The following NTRK3 variants were observed in gnomAD, a reference collection of about 807,000 sequenced individuals.
The protein encoded by NTRK3 is neurotrophic receptor tyrosine kinase 3, also known as NT-3 growth factor receptor.
Under a neutral mutation model 91.7 loss-of-function variants are expected in NTRK3, and 24 were observed. The ratio of observed to expected loss-of-function variants is 0.26; its 90% CI spans 0.19 to 0.37. The LOEUF (loss-of-function observed/expected upper bound fraction) is 0.37. NTRK3 is among the 10% of genes least tolerant of loss of function. The pLI is 1.00. For missense variants in NTRK3, 880 were observed against 1,068.9 expected (o/e 0.82, Z 2.46); for synonymous variants, 483 against 404.0 (o/e 1.20, Z -2.34).
At chr15:88,016,889 T>C (rs904131577) in intron 14 of NTRK3, among the ~76,000 whole-genome samples, 1 of 144,234 alleles carries the variant, frequency 6.9e-6, no homozygotes, top group African/African-American at 2.6e-5. Context: ...ACTGGCTGAG[T>C]ATAAATTATC....
At chr15:87,873,841 G>T (rs2064884970) in exon 19 of NTRK3, 2 of 231,660 alleles carry the variant, frequency 8.6e-6, no homozygotes, top group Non-Finnish European at 1.7e-5. Flanking sequence ...TTGAGACAAG[G>T]GGCAAAGAAG....
intron 10 of NTRK3, among the ~76,000 whole-genome samples, chr15:88,133,805 G>A (rs924326344): frequency 6.6e-6 from 1 of 152,170 alleles, no homozygotes; most frequent in African/African-American, 2.4e-5. Context: ...CAGACTACAT[G>A]GGATTTCCAG....
chr15:87,886,697 T>A (rs187360437), intron 17 of NTRK3, among the ~76,000 whole-genome samples: 2 of 135,882 alleles, frequency 1.5e-5, no homozygotes, highest in Non-Finnish European at 3.1e-5. Flanking sequence ...TATATATATA[T>A]ATACATATAT....
intron 17 of NTRK3, among the ~76,000 whole-genome samples, chr15:87,882,816 T>C (rs1411780205): frequency 1.3e-5 from 2 of 152,028 alleles, no homozygotes; most frequent in Non-Finnish European, 2.9e-5. Context: ...AAAGCCAAAA[T>C]CTTTAACTAA....
At chr15:87,981,455 C>T in intron 14 of NTRK3, 2 of 1,564,792 alleles carry the variant, frequency 1.3e-6, no homozygotes, top group Non-Finnish European at 1.8e-6. Flanking sequence ...TGCACAATGC[C>T]AGAAACAGAA....
intron 13 of NTRK3, among the ~76,000 whole-genome samples, chr15:88,039,604 G>A (rs964001492): frequency 2.0e-5 from 3 of 152,162 alleles, no homozygotes; most frequent in African/African-American, 7.2e-5. Flanking sequence ...TCCATAAATG[G>A]TTTATTCCAA....
intron 14 of NTRK3, among the ~76,000 whole-genome samples, chr15:88,024,586 T>C (rs2077868978): frequency 6.6e-6 from 1 of 152,098 alleles, no homozygotes; most frequent in Non-Finnish European, 1.5e-5. Context: ...CCAGGGAGGA[T>C]GTAGGACAGA....
At chr15:88,041,876 C>T (rs1025642546) in intron 13 of NTRK3, among the ~76,000 whole-genome samples, 8 of 147,852 alleles carry the variant, frequency 5.4e-5, no homozygotes, top group Non-Finnish European at 1.0e-4. Context: ...TGATATAATC[C>T]ATTTTTAAAA....
chr15:88,005,688 G>GA (rs1002882506), intron 14 of NTRK3, among the ~76,000 whole-genome samples: 1 of 152,104 alleles, frequency 6.6e-6, no homozygotes, highest in African/African-American at 2.4e-5. Context: ...CCAGAGCACA[G>GA]AAAAAGGTGC....
chr15:88,164,464 G>A (rs1324050450), intron 5 of NTRK3, among the ~76,000 whole-genome samples: 1 of 152,204 alleles, frequency 6.6e-6, no homozygotes, highest in African/African-American at 2.4e-5. Context: ...GATCTCATCT[G>A]TCTTCATCAG....
chr15:87,888,639 A>G (rs2065681935), intron 17 of NTRK3, among the ~76,000 whole-genome samples: 1 of 152,156 alleles, frequency 6.6e-6, no homozygotes, highest in Admixed American at 6.5e-5. Context: ...AATTTGCTTC[A>G]CACGTTAGCA....
At chr15:87,948,235 C>G (rs1452100679) in intron 14 of NTRK3, among the ~76,000 whole-genome samples, 1 of 152,218 alleles carries the variant, frequency 6.6e-6, no homozygotes, top group Admixed American at 6.5e-5. Flanking sequence ...ATTCAAACCA[C>G]CACTCCTGCA....
intron 13 of NTRK3, among the ~76,000 whole-genome samples, chr15:88,063,242 T>C (rs554462742): frequency 3.3e-5 from 5 of 152,238 alleles, no homozygotes; most frequent in Non-Finnish European, 7.3e-5. Context: ...ACAATGACGA[T>C]GACAAGGATG....
chr15:88,096,853 G>A (rs569928404), intron 13 of NTRK3, among the ~76,000 whole-genome samples: 1 of 152,186 alleles, frequency 6.6e-6, no homozygotes, highest in African/African-American at 2.4e-5. Flanking sequence ...CTTTCATATT[G>A]CCCGCTTGCT....
At chr15:88,123,168 G>A (rs117763074) in intron 13 of NTRK3, among the ~76,000 whole-genome samples, 2 of 152,308 alleles carry the variant, frequency 1.3e-5, no homozygotes, top group East Asian at 3.9e-4. Flanking sequence ...TTCCCATGGA[G>A]CCTTTTTATA....
intron 14 of NTRK3, among the ~76,000 whole-genome samples, chr15:87,967,264 G>C (rs907570182): frequency 2.6e-5 from 4 of 152,158 alleles, no homozygotes; most frequent in African/African-American, 7.2e-5. Context: ...AACAGGAAGA[G>C]GCATGAACAC....
intron 13 of NTRK3, among the ~76,000 whole-genome samples, chr15:88,110,845 G>T (rs1269523187): frequency 2.6e-5 from 4 of 152,116 alleles, no homozygotes; most frequent in African/African-American, 9.7e-5. Flanking sequence ...TCATTTCAAA[G>T]TCCTGAGTCT....
intron 6 of NTRK3, among the ~76,000 whole-genome samples, chr15:88,143,507 G>A (rs376382608): frequency 1.3e-5 from 2 of 152,154 alleles, no homozygotes; most frequent in Non-Finnish European, 2.9e-5. Flanking sequence ...ATTTGTTAAC[G>A]CAGCCTAGGA....
At chr15:88,236,666 T>TAAA (rs60381926) in intron 3 of NTRK3, among the ~76,000 whole-genome samples, 12 of 142,924 alleles carry the variant, frequency 8.4e-5, no homozygotes, top group Non-Finnish European at 9.1e-5. Context: ...AGGAAGGGAT[T>TAAA]AAAAAAAAAA....
Sources: gnomAD v4.1 joint callset for allele counts (sites outside exome capture counted in the v4.1 genomes callset) on GRCh38, gnomAD v4.1.1 for gene constraint, MANE v1.5 for transcripts, NCBI Gene and HGNC (gene_info 2026-07-23, HGNC 2026-07-21) for gene names.